LHFPL3: variants seen among roughly 807,000 people sequenced by gnomAD.
LHFPL3 encodes LHFPL tetraspan subfamily member 3.
A neutral mutation model predicts 19.3 loss-of-function variants in LHFPL3; 5 were observed. The ratio of observed to expected loss-of-function variants is 0.26; its 90% CI spans 0.14 to 0.54. The LOEUF is 0.54. LHFPL3 is among the 20% of genes least tolerant of loss of function. LHFPL3 has a pLI of 0.94. For missense variants in LHFPL3, 249 were observed against 307.4 expected (o/e 0.81, Z 1.42); for synonymous variants, 133 against 126.2 (o/e 1.05, Z -0.36).
intron 1 of LHFPL3, among the ~76,000 whole-genome samples, chr7:104,471,389 T>C (rs1285772829): frequency 6.6e-6 from 1 of 152,230 alleles, no homozygotes; most frequent in Non-Finnish European, 1.5e-5. Context: ...GGCTTCCTCA[T>C]CTATGACCAT....
In LHFPL3 at chr7:104,537,909, G is replaced by C. The variant is rs73409703; in HGVS notation, c.446-198766G>C. ...TTCCATCAAGGTCCTTCTTGGGCAG[G>C]TAAAGGCTACTCTGAAGCCAGGGAT... On this transcript the variant is annotated intron_variant, in intron 1 of 2. Transcript: ENST00000424859. Among the ~76,000 whole-genome samples, 1,426 of 152,256 alleles carry C rather than the reference G, an allele frequency of 9.4e-3. 24 individuals are homozygous for C. Among genetic ancestry groups the C allele is most frequent in the African/African-American group, 0.033 (1,352 of 41,542 alleles).
chr7:104,440,028 CA>C (rs1241107025), intron 1 of LHFPL3, among the ~76,000 whole-genome samples: 1 of 75,462 alleles, frequency 1.3e-5, no homozygotes, highest in Non-Finnish European at 2.2e-5. Flanking sequence ...CTATATAATA[CA>C]AAGCCTGGGG....
intron 1 of LHFPL3, among the ~76,000 whole-genome samples, chr7:104,506,505 T>G (rs908576458): frequency 2.0e-5 from 3 of 152,232 alleles, no homozygotes; most frequent in Non-Finnish European, 4.4e-5. Flanking sequence ...GTCCTGAGGC[T>G]GTGTTATACT....
At chr7:104,590,268 C>A (rs997325025) in intron 1 of LHFPL3, among the ~76,000 whole-genome samples, 7 of 152,132 alleles carry the variant, frequency 4.6e-5, no homozygotes, top group African/African-American at 1.7e-4. Flanking sequence ...ACGTTTCCCT[C>A]TGCACACTGC....
chr7:104,672,463 AAGTG>A (rs1426159962), intron 1 of LHFPL3, among the ~76,000 whole-genome samples: 1 of 152,186 alleles, frequency 6.6e-6, no homozygotes, highest in Non-Finnish European at 1.5e-5. Flanking sequence ...ATGAATGCGT[AAGTG>A]AGTAAGGAGT....
At chr7:104,663,001 A>T (rs1412399697) in intron 1 of LHFPL3, among the ~76,000 whole-genome samples, 1 of 152,218 alleles carries the variant, frequency 6.6e-6, no homozygotes, top group Non-Finnish European at 1.5e-5. Flanking sequence ...TTCCTCATGT[A>T]GCCTCTCCTC....
At chr7:104,563,468 T>C (rs970759644) in intron 1 of LHFPL3, among the ~76,000 whole-genome samples, 6 of 152,310 alleles carry the variant, frequency 3.9e-5, no homozygotes, top group Non-Finnish European at 8.8e-5. Context: ...GTCACCCCTT[T>C]CTTTGACTCA....
At chr7:104,873,822 T>C (rs1226136549) in intron 2 of LHFPL3, among the ~76,000 whole-genome samples, 2 of 152,152 alleles carry the variant, frequency 1.3e-5, no homozygotes, top group Non-Finnish European at 2.9e-5. Context: ...AATCTCAGAG[T>C]GCGAGGCAAG....
chr7:104,563,264 G>T (rs1160759245), intron 1 of LHFPL3, among the ~76,000 whole-genome samples: 2 of 152,274 alleles, frequency 1.3e-5, no homozygotes, highest in Non-Finnish European at 2.9e-5. Flanking sequence ...GGCAATGGCG[G>T]GCGCCCCTCC....
chr7:104,440,288 T>G (rs1051111096), intron 1 of LHFPL3, among the ~76,000 whole-genome samples: 1 of 152,034 alleles, frequency 6.6e-6, no homozygotes, highest in Admixed American at 6.6e-5. Flanking sequence ...CTGGAAACCA[T>G]CATTCTCAGC....
intron 1 of LHFPL3, among the ~76,000 whole-genome samples, chr7:104,538,479 A>C (rs1190368511): frequency 6.6e-6 from 1 of 152,208 alleles, no homozygotes; most frequent in Non-Finnish European, 1.5e-5. Context: ...AGAAAACATC[A>C]ATACATTTTC....
At chr7:104,603,614 C>G (rs997477829) in intron 1 of LHFPL3, among the ~76,000 whole-genome samples, 1 of 152,152 alleles carries the variant, frequency 6.6e-6, no homozygotes, top group South Asian at 2.1e-4. Context: ...TAAAATCCCT[C>G]CATCTGTGAA....
intron 2 of LHFPL3, among the ~76,000 whole-genome samples, chr7:104,890,507 G>A (rs943893173): frequency 6.6e-6 from 1 of 152,178 alleles, no homozygotes; most frequent in African/African-American, 2.4e-5. Context: ...TACATGCAGG[G>A]TCTGGAACTA....
At chr7:104,527,866 A>C (rs1419189357) in intron 1 of LHFPL3, among the ~76,000 whole-genome samples, 1 of 152,230 alleles carries the variant, frequency 6.6e-6, no homozygotes, top group Non-Finnish European at 1.5e-5. Flanking sequence ...CTCCCCACCC[A>C]ATAGAGGACA....
At chr7:104,640,947 A>G (rs890567554) in intron 1 of LHFPL3, among the ~76,000 whole-genome samples, 1 of 152,188 alleles carries the variant, frequency 6.6e-6, no homozygotes, top group Non-Finnish European at 1.5e-5. Flanking sequence ...TGATTTTGAA[A>G]CGTATTACAT....
At chr7:104,449,765 A>G (rs535591407) in intron 1 of LHFPL3, among the ~76,000 whole-genome samples, 2 of 152,114 alleles carry the variant, frequency 1.3e-5, no homozygotes, top group African/African-American at 2.4e-5. Flanking sequence ...GTGCTTTTCT[A>G]TCATTTTTTG....
At chr7:104,852,468 A>G (rs1310991818) in intron 2 of LHFPL3, among the ~76,000 whole-genome samples, 2 of 152,250 alleles carry the variant, frequency 1.3e-5, no homozygotes, top group East Asian at 3.8e-4. Flanking sequence ...GAGCAAAGCC[A>G]GTCTTCACAG....
At chr7:104,569,558 T>C (rs1319717081) in intron 1 of LHFPL3, among the ~76,000 whole-genome samples, 1 of 152,228 alleles carries the variant, frequency 6.6e-6, no homozygotes, top group Non-Finnish European at 1.5e-5. Flanking sequence ...GATAGTAAAA[T>C]GTTTACTATA....
chr7:104,884,696 C>T (rs1453615570), intron 2 of LHFPL3, among the ~76,000 whole-genome samples: 1 of 152,170 alleles, frequency 6.6e-6, no homozygotes, highest in African/African-American at 2.4e-5. Context: ...GGAGAATTTG[C>T]ATTCTGACAT....
Sources: allele counts gnomAD v4.1 joint callset (sites outside exome capture counted in the v4.1 genomes callset), GRCh38; gene constraint gnomAD v4.1.1; transcripts MANE v1.5; gene names NCBI Gene and HGNC (gene_info 2026-07-23, HGNC 2026-07-21).